Variants in HPCAL1 observed in about 807,000 individuals in gnomAD.
HPCAL1 encodes hippocalcin-like protein 1.
HPCAL1 carries 8 observed loss-of-function variants against 17.1 expected under a neutral mutation model. That is an observed-to-expected ratio of 0.47 (90% confidence interval 0.27 to 0.84). The LOEUF is 0.84. HPCAL1 is among the 40% of genes least tolerant of loss of function. The probability of loss-of-function intolerance (pLI) is 0.13; values close to 1 mark genes in which losing one functional copy is unlikely to be tolerated. For missense variants in HPCAL1, 165 were observed against 271.1 expected, an observed-to-expected ratio of 0.61 and a Z score of 2.75; for synonymous variants, 112 against 111.4, an observed-to-expected ratio of 1.01 and a Z score of -0.03.
Position 10,341,998 on chromosome 2 carries a change from G to GTT in HPCAL1, c.-111+38836_-111+38837dup, listed in dbSNP as rs75605259. The stretch of plus-strand genomic sequence containing the variant: ...TAGTGAGACTCTGTCTCTAGATAAA[G>GTT]TTTTTTTTTTTTTTTTAAATTAGCC... On this transcript the variant is annotated intron_variant, in intron 1 of 4. Coordinates refer to ENST00000307845, the MANE Select transcript of HPCAL1 (RefSeq NM_002149.4). Among the ~76,000 whole-genome samples the GTT allele has an allele frequency of 2.1e-3, 298 of 141,786 alleles. 2 individuals are homozygous for GTT. Among genetic ancestry groups the GTT allele is most frequent in the African/African-American group, 7.1e-3 (274 of 38,726 alleles). The allele number at this position is 141,786 out of a possible 152,430, so 93.0% of individuals were successfully genotyped here. A position where few individuals can be genotyped will look rare whatever the true frequency, so the allele number is the denominator to read the frequency against.
intron 1 of HPCAL1, among the ~76,000 whole-genome samples, chr2:10,312,977 T>A (rs1316286510): frequency 6.6e-6 from 1 of 152,164 alleles, no homozygotes; most frequent in Non-Finnish European, 1.5e-5. Context: ...CTGCTTTGGG[T>A]CGTGCTTGAC....
chr2:10,376,113 C>A (rs1272684366), intron 1 of HPCAL1, among the ~76,000 whole-genome samples: 1 of 152,126 alleles, frequency 6.6e-6, no homozygotes, highest in Non-Finnish European at 1.5e-5. Context: ...CACATTGGCT[C>A]CCCATCGCCT....
intron 2 of HPCAL1, among the ~76,000 whole-genome samples, chr2:10,409,555 A>G (rs749175468): frequency 2.0e-5 from 3 of 152,182 alleles, no homozygotes; most frequent in Non-Finnish European, 2.9e-5. Context: ...GCTTAGCTGC[A>G]GGGGCCGTGT....
intron 1 of HPCAL1, among the ~76,000 whole-genome samples, chr2:10,393,704 G>A (rs1432268597): frequency 2.6e-5 from 4 of 152,198 alleles, no homozygotes; most frequent in Admixed American, 2.6e-4. Context: ...TGTGGAGATA[G>A]GGTGTGCTTG....
intron 4 of HPCAL1, chr2:10,425,346 C>T: frequency 6.6e-6 from 1 of 152,562 alleles, no homozygotes; most frequent in Non-Finnish European, 1.5e-5. Context: ...TCTCCCTACC[C>T]ACCCCTTAGC....
chr2:10,422,469 T>G (rs1159109881), intron 3 of HPCAL1, among the ~76,000 whole-genome samples: 1 of 152,182 alleles, frequency 6.6e-6, no homozygotes, highest in Non-Finnish European at 1.5e-5. Context: ...GTGGCTAGAC[T>G]GAGCCCTCGG....
In HPCAL1 at chr2:10,426,994, G is replaced by C. The variant is rs1037953574; in HGVS notation, c.*173G>C. On this transcript the variant is annotated 3_prime_UTR_variant, in exon 5 of 5. Coordinates refer to ENST00000307845, the MANE Select transcript of HPCAL1 (RefSeq NM_002149.4). ...CGCCTCCCTCCTCCACCTGACCAAC[G>C]CGACATTCCTCCCCTCACGCCTGGC... 1 of 613,406 alleles carries C rather than the reference G, an allele frequency of 1.6e-6. No individual in the cohort carries two copies. Among genetic ancestry groups the C allele is most frequent in the African/African-American group, 1.8e-5 (1 of 54,468 alleles). 38.0% of individuals were successfully genotyped at this position (613,406 alleles called of 1,614,324 possible). A position where few individuals can be genotyped will look rare whatever the true frequency, so the allele number is the denominator to read the frequency against.
chr2:10,373,245 C>T (rs1314533273), intron 1 of HPCAL1, among the ~76,000 whole-genome samples: 4 of 152,132 alleles, frequency 2.6e-5, no homozygotes, highest in East Asian at 3.9e-4. Flanking sequence ...CAGCAGGACT[C>T]AGAGGCGAGG....
rs565993505 is a variant in HPCAL1 at position 10,388,194 on chromosome 2, G to A, written c.-110-8641G>A. On this transcript the variant is annotated intron_variant, in intron 1 of 4. Transcript: ENST00000307845. ...AAATAGAAAGTACTGGATTGGGAGC[G>A]GATTTATTGTTCCCTGCCTCCCCGG... Among the ~76,000 whole-genome samples, 30 of 152,292 alleles carry A rather than the reference G, an allele frequency of 2.0e-4. 1 individual carries two copies. The South Asian group carries it at 4.6e-3, about 23-fold the overall frequency.
At chr2:10,348,847 C>T (rs993359979) in intron 1 of HPCAL1, among the ~76,000 whole-genome samples, 10 of 152,138 alleles carry the variant, frequency 6.6e-5, no homozygotes, top group African/African-American at 2.2e-4. Flanking sequence ...GTATGATGTT[C>T]GTTGAACCCA....
At chr2:10,345,199 C>G (rs1435514745) in intron 1 of HPCAL1, among the ~76,000 whole-genome samples, 1 of 152,056 alleles carries the variant, frequency 6.6e-6, no homozygotes, top group Non-Finnish European at 1.5e-5. Flanking sequence ...GCCTGTCTGT[C>G]TGTCTCTTTC....
At chr2:10,396,338 C>T (rs960953487) in intron 1 of HPCAL1, among the ~76,000 whole-genome samples, 1 of 152,132 alleles carries the variant, frequency 6.6e-6, no homozygotes, top group African/African-American at 2.4e-5. Context: ...CTGGAGAGAC[C>T]CTGAAGGGAG....
chr2:10,357,354 G>A lies in HPCAL1; in HGVS notation c.-110-39481G>A, dbSNP rs186784301. On this transcript the variant is annotated intron_variant, in intron 1 of 4. Transcript: ENST00000307845. ...GCTCTTTCTCCTGCGTGCTTTCCCC[G>A]TGTTCTTCTGCACTGTTATCTTTCC... Among the ~76,000 whole-genome samples the A allele has an allele frequency of 1.5e-4, 23 of 152,244 alleles. No individual in the cohort carries two copies. The East Asian group carries it at 3.3e-3, about 22-fold the overall frequency.
intron 1 of HPCAL1, among the ~76,000 whole-genome samples, chr2:10,376,244 CTT>C (rs1413655662): frequency 2.0e-5 from 3 of 152,146 alleles, no homozygotes; most frequent in Non-Finnish European, 4.4e-5. Flanking sequence ...TCAGGTACTC[CTT>C]TGTAATAATG....
intron 1 of HPCAL1, among the ~76,000 whole-genome samples, chr2:10,393,356 G>A (rs1177216498): frequency 6.6e-6 from 1 of 152,186 alleles, no homozygotes. Context: ...TTCCTTCAAG[G>A]TCTCCGGAAC....
intron 2 of HPCAL1, among the ~76,000 whole-genome samples, chr2:10,399,253 C>A (rs796333924): frequency 1.5e-5 from 1 of 67,604 alleles, no homozygotes; most frequent in African/African-American, 4.9e-5. Context: ...ACCACCACCA[C>A]CACCACCATC....
chr2:10,373,094 C>T (rs867954), intron 1 of HPCAL1, among the ~76,000 whole-genome samples: 77,974 of 151,686 alleles, frequency 0.51, 21,117 homozygotes, highest in East Asian at 0.79. Flanking sequence ...CAGGTGAGAG[C>T]GGCAGCCTGA....
In HPCAL1 at chr2:10,303,002, C is replaced by G. The variant is rs1447912251; in HGVS notation, c.-286C>G. ...GCCGGCTTCCTTTTGTCTTTCTGGG[C>G]GGCGATGAGCGCAGGGCCGGCGCAG... On this transcript the variant is annotated 5_prime_UTR_variant, in exon 1 of 5. Transcript: ENST00000307845. 6.6e-6 allele frequency: 1 copy of G among 151,752 alleles called. No individual in the cohort carries two copies. Among genetic ancestry groups the G allele is most frequent in the African/African-American group, 2.4e-5 (1 of 41,384 alleles). The allele number at this position is 151,752 out of a possible 1,614,324, so 9.4% of individuals were successfully genotyped here. A position where few individuals can be genotyped will look rare whatever the true frequency, so the allele number is the denominator to read the frequency against.
chr2:10,403,454 T>TGTG (rs1669763650), intron 2 of HPCAL1, among the ~76,000 whole-genome samples: 2 of 65,106 alleles, frequency 3.1e-5, no homozygotes, highest in African/African-American at 3.8e-4. Flanking sequence ...AAGAGTTCTT[T>TGTG]TGTGTGTGTG....
Sources: allele counts gnomAD v4.1 joint callset (sites outside exome capture counted in the v4.1 genomes callset), GRCh38; gene constraint gnomAD v4.1.1; transcripts MANE v1.5; gene names NCBI Gene and HGNC (gene_info 2026-07-23, HGNC 2026-07-21).